The following RICTOR variants were observed in gnomAD, a reference collection of about 807,000 sequenced individuals.
The protein encoded by RICTOR is RPTOR independent companion of MTOR complex 2, also known as rapamycin-insensitive companion of mTOR.
A neutral mutation model predicts 214.9 loss-of-function variants in RICTOR; 49 were observed. The observed-to-expected ratio is 0.23, with a 90% CI of 0.18 to 0.29. The LOEUF is 0.29. Ranked by LOEUF, RICTOR falls within the 10% of genes least tolerant of loss-of-function variation. RICTOR has a pLI of 1.00. For synonymous variants in RICTOR, 717 were observed against 711.3 expected (o/e 1.01, Z -0.13); for missense variants, 1,625 against 2,047.0 (o/e 0.79, Z 3.98).
chr5:39,003,414 C>T (rs1218125045), intron 4 of RICTOR, 144 bp downstream of exon 4: 2 of 523,250 alleles, frequency 3.8e-6, no homozygotes, highest in African/African-American at 4.0e-5. Context: ...TACTGTAGCT[C>T]TTAGATTTTT....
In RICTOR at chr5:38,962,917, C is replaced by G. The variant is rs2150023935; in HGVS notation, c.1525G>C (p.Asp509His). 6.2e-7 allele frequency: 1 copy of G among 1,612,916 alleles called. No homozygotes were observed. The highest frequency in any genetic ancestry group is 1.3e-5 in the African/African-American group (1 of 75,006). The stretch of plus-strand genomic sequence containing the variant: ...TCTTTCTGAACTCGGAGATACTGAT[C>G]CCGTTTCTGGTGTGTTGCAATTGCT... Reference protein sequence around the residue: ...QKAIATHQKRDQYLRVQKDIF... With the variant: ...QKAIATHQKRHQYLRVQKDIF... The change falls in exon 17 of 38, where the codon GAT becomes CAT. Residue 509 changes from aspartate (D) to histidine (H), a missense_variant. This residue lies in a region of RICTOR where 1,214 missense variants were observed against 1,470.5 expected (regional missense o/e 0.83). Coordinates refer to ENST00000357387, the MANE Select transcript of RICTOR (RefSeq NM_152756.5).
At chr5:38,975,663 T>C (rs1751160230) in intron 9 of RICTOR, 59 bp from the exon 10 acceptor site, 7 of 1,250,630 alleles carry the variant, frequency 5.6e-6, no homozygotes, top group African/African-American at 1.5e-5. Flanking sequence ...AAAATGAGTT[T>C]TTTCCTGCTA....
At chr5:39,052,594 A>C (rs376880373) in intron 2 of RICTOR, among the ~76,000 whole-genome samples, 1 of 152,194 alleles carries the variant, frequency 6.6e-6, no homozygotes, top group Middle Eastern at 3.2e-3. Context: ...AAGATCTAAA[A>C]TAAGGTTTCC....
At chr5:39,036,592 C>T (rs1485773188) in intron 2 of RICTOR, among the ~76,000 whole-genome samples, 3 of 152,038 alleles carry the variant, frequency 2.0e-5, no homozygotes, top group Admixed American at 6.5e-5. Context: ...CAGAGACACA[C>T]ATAGGCTCAA....
rs370160191 is a variant in RICTOR at position 38,990,563 on chromosome 5, T to C, written c.583+386A>G. ...ATATATACACGATATACACGATATA[T>C]ACACGATATATATGATATATACATG... On this transcript the variant is annotated intron_variant, in intron 7 of 37. Coordinates refer to ENST00000357387, the MANE Select transcript of RICTOR (RefSeq NM_152756.5). Among the ~76,000 whole-genome samples, 21 of 144,878 alleles carry C rather than the reference T, an allele frequency of 1.4e-4. No homozygotes were observed. In the South Asian group the frequency reaches 1.9e-3, roughly 13 times the overall value.
At chr5:39,073,377 G>A (rs754623899) in intron 2 of RICTOR, among the ~76,000 whole-genome samples, 1 of 152,164 alleles carries the variant, frequency 6.6e-6, no homozygotes, top group Non-Finnish European at 1.5e-5. Context: ...ACGGGATTAG[G>A]TCATTAAAAA....
intron 5 of RICTOR, 135 bp downstream of exon 5, chr5:39,002,400 G>GTGTGTA (rs1260505083): frequency 1.3e-4 from 48 of 364,906 alleles, no homozygotes; most frequent in Admixed American, 1.5e-4. Context: ...GTGTGTGTGT[G>GTGTGTA]TATATATATA....
intron 2 of RICTOR, among the ~76,000 whole-genome samples, chr5:39,042,923 C>T (rs1757265066): frequency 6.6e-6 from 1 of 152,122 alleles, no homozygotes; most frequent in Admixed American, 6.5e-5. Context: ...CCACTGTACT[C>T]TAGCCTGGGT....
At chr5:38,997,052 C>T (rs1397714273) in intron 5 of RICTOR, among the ~76,000 whole-genome samples, 170 bp from the exon 6 acceptor site, 3 of 151,930 alleles carry the variant, frequency 2.0e-5, no homozygotes, top group South Asian at 2.1e-4. Context: ...CCATACATCT[C>T]GAGGGATAAA....
chr5:39,060,875 G>A (rs772424375), intron 2 of RICTOR, among the ~76,000 whole-genome samples: 1 of 151,842 alleles, frequency 6.6e-6, no homozygotes, highest in Non-Finnish European at 1.5e-5. Flanking sequence ...AACAAAGAAA[G>A]GCTTCTGAAC....
In RICTOR at chr5:38,990,638, A is replaced by ATATATAT. The variant is rs1221163724; in HGVS notation, c.583+310_583+311insATATATA. Among the ~76,000 whole-genome samples, 114 of 137,570 alleles carry ATATATAT rather than the reference A, an allele frequency of 8.3e-4. 12 individuals carry two copies. Among genetic ancestry groups the ATATATAT allele is most frequent in the East Asian group, 3.2e-3 (15 of 4,712 alleles). The allele number at this position is 137,570 out of a possible 152,430, so 90.3% of individuals were successfully genotyped here. On this transcript the variant is annotated intron_variant, in intron 7 of 37. Transcript: ENST00000357387. The stretch of plus-strand genomic sequence containing the variant: ...ATACGATATATGATATATATATCTG[A>ATATATAT]CATATATCAGATATATGATATATAT...
intron 2 of RICTOR, among the ~76,000 whole-genome samples, chr5:39,038,644 G>A (rs1210569265): frequency 3.9e-5 from 6 of 152,040 alleles, no homozygotes; most frequent in East Asian, 3.9e-4. Flanking sequence ...AAATCAATGT[G>A]CAAAAATCAC....
chr5:39,025,672 ACT>A (rs1240708850), intron 2 of RICTOR, among the ~76,000 whole-genome samples: 2 of 152,076 alleles, frequency 1.3e-5, no homozygotes, highest in Non-Finnish European at 2.9e-5. Context: ...CCAATTTCTC[ACT>A]GTCTCCTCAC....
Position 38,938,474 on chromosome 5 carries a change from T to C in RICTOR, c.*3830A>G, listed in dbSNP as rs1418620849. The C allele has an allele frequency of 4.3e-6, 1 of 232,090 alleles. No individual in the cohort carries two copies. The highest frequency in any genetic ancestry group is 5.6e-5 in the Admixed American group (1 of 17,738). The allele number at this position is 232,090 out of a possible 1,614,324, so 14.4% of individuals were successfully genotyped here. ...AGTAGCAAAATTGAAAGGTATGCTT[T>C]TTTTGGCATAAATTATATTTTTGAA... is the stretch of plus-strand genomic sequence containing the variant. On this transcript the variant is annotated 3_prime_UTR_variant, in exon 38 of 38. Coordinates refer to ENST00000357387, the MANE Select transcript of RICTOR (RefSeq NM_152756.5).
rs74909576 is a variant in RICTOR, at chr5:39,040,922, G to A, written c.98-19786C>T. 6.9e-3 allele frequency among the ~76,000 whole-genome samples: 1,054 copies of A among 152,228 alleles called. 53 individuals are homozygous for A. In the East Asian group the frequency reaches 0.12, roughly 17 times the overall value. ...AATGGGAAAAAAGAGGGACATAAATGTCTAACAGTAATATAATAGACAGGT... is the reference window on the plus strand; with the variant it reads ...AATGGGAAAAAAGAGGGACATAAATATCTAACAGTAATATAATAGACAGGT... On this transcript the variant is annotated intron_variant, in intron 2 of 37. Coordinates refer to ENST00000357387, the MANE Select transcript of RICTOR (RefSeq NM_152756.5).
At chr5:39,050,203 T>A (rs1017483280) in intron 2 of RICTOR, among the ~76,000 whole-genome samples, 46 of 150,364 alleles carry the variant, frequency 3.1e-4, no homozygotes, top group South Asian at 2.1e-4. Flanking sequence ...TAAATAAATA[T>A]ATATATATAT....
Position 38,959,856 on chromosome 5 carries a change from G to A in RICTOR, c.1974C>T (p.His658=). 1 of 1,613,014 alleles carries A rather than the reference G, an allele frequency of 6.2e-7. No individual in the cohort carries two copies. Among genetic ancestry groups the A allele is most frequent in the Non-Finnish European group, 8.5e-7 (1 of 1,179,172 alleles). ...NNGLLTTLSQ[H]YFLFIGTLSC... ...AAAGTGTTCCAATAAATAAAAAGTA[G>A]TGTTGACTAAGGGTGGTCAATAAAC... is the stretch of plus-strand genomic sequence containing the variant. Residue 658 remains histidine (H), a synonymous_variant, in exon 21 of 38, where the codon CAC becomes CAT. Transcript: ENST00000357387.
At chr5:39,050,732 C>T (rs1261340842) in intron 2 of RICTOR, among the ~76,000 whole-genome samples, 2 of 152,080 alleles carry the variant, frequency 1.3e-5, no homozygotes, top group Non-Finnish European at 2.9e-5. Flanking sequence ...TACTGATGAT[C>T]TGCAATGAAA....
chr5:39,011,939 T>C (rs771478718), intron 3 of RICTOR, among the ~76,000 whole-genome samples: 1 of 152,144 alleles, frequency 6.6e-6, no homozygotes, highest in Non-Finnish European at 1.5e-5. Context: ...GAGTTAAGAC[T>C]TTGGGGGACT....
Sources: allele counts gnomAD v4.1 joint callset (sites outside exome capture counted in the v4.1 genomes callset), GRCh38; gene constraint gnomAD v4.1.1; regional missense constraint gnomAD v4.1.1; transcripts MANE v1.5; gene names NCBI Gene and HGNC (gene_info 2026-07-23, HGNC 2026-07-21).